APBA1: variants seen among roughly 807,000 people sequenced by gnomAD.
The protein encoded by APBA1 is amyloid-beta A4 precursor protein-binding family A member 1.
APBA1 carries 55 observed loss-of-function variants against 86.6 expected under a neutral mutation model. The ratio of observed to expected loss-of-function variants is 0.64; its 90% confidence interval spans 0.51 to 0.80. The LOEUF is 0.80. Ranked by LOEUF, APBA1 falls within the 30% of genes least tolerant of loss-of-function variation. The probability of loss-of-function intolerance (pLI) is 0.00; values close to 1 mark genes in which losing one functional copy is unlikely to be tolerated. For missense variants in APBA1, 1,090 were observed against 1,183.0 expected, an observed-to-expected ratio of 0.92 and a Z score of 1.15; for synonymous variants, 511 against 493.9, an observed-to-expected ratio of 1.03 and a Z score of -0.46.
chr9:69,476,676 A>AC (rs1178950106), intron 2 of APBA1, among the ~76,000 whole-genome samples: 1 of 152,230 alleles, frequency 6.6e-6, no homozygotes, highest in Non-Finnish European at 1.5e-5. Context: ...GATTTAGTCT[A>AC]CAGGCTATTG....
chr9:69,515,202 T>C (rs1378332878), intron 2 of APBA1, among the ~76,000 whole-genome samples: 1 of 152,172 alleles, frequency 6.6e-6, no homozygotes. Flanking sequence ...TCCTCTTGTT[T>C]TCCTATGACA....
chr9:69,487,695 G>T (rs560233582), intron 2 of APBA1, among the ~76,000 whole-genome samples: 6 of 151,986 alleles, frequency 3.9e-5, no homozygotes, highest in Non-Finnish European at 5.9e-5. Flanking sequence ...GCTGTCCCTC[G>T]TGAACCCCCT....
chr9:69,646,136 C>T (rs1823385995), intron 1 of APBA1, among the ~76,000 whole-genome samples: 1 of 152,204 alleles, frequency 6.6e-6, no homozygotes, highest in South Asian at 2.1e-4. Flanking sequence ...TATTAAAACT[C>T]ATTTATAATA....
chr9:69,468,149 C>A (rs1177327528), intron 4 of APBA1, among the ~76,000 whole-genome samples, 181 bp from the exon 5 acceptor site: 1 of 152,182 alleles, frequency 6.6e-6, no homozygotes, highest in Non-Finnish European at 1.5e-5. Flanking sequence ...AAATAGAAGG[C>A]ACAGTTTCTA....
At chr9:69,645,747 G>T (rs983119064) in intron 1 of APBA1, among the ~76,000 whole-genome samples, 2 of 152,230 alleles carry the variant, frequency 1.3e-5, no homozygotes, top group Non-Finnish European at 2.9e-5. Context: ...CAGCAGCTGC[G>T]ATTAAGGTCC....
chr9:69,532,568 A>G (rs1172913395), intron 1 of APBA1, among the ~76,000 whole-genome samples: 1 of 152,224 alleles, frequency 6.6e-6, no homozygotes, highest in Non-Finnish European at 1.5e-5. Context: ...GTGCCTGCTC[A>G]TGCATTGATA....
chr9:69,533,608 G>T (rs1836464570), intron 1 of APBA1, among the ~76,000 whole-genome samples: 1 of 152,156 alleles, frequency 6.6e-6, no homozygotes, highest in Admixed American at 6.5e-5. Context: ...TTTAAGCCTT[G>T]CTATTCAAGA....
intron 1 of APBA1, among the ~76,000 whole-genome samples, chr9:69,583,904 G>C (rs1303411037): frequency 6.6e-6 from 1 of 152,186 alleles, no homozygotes; most frequent in Non-Finnish European, 1.5e-5. Context: ...TAATGTGAAG[G>C]CATGAGATGA....
At chr9:69,526,354 A>C (rs1836341875) in intron 1 of APBA1, among the ~76,000 whole-genome samples, 1 of 152,180 alleles carries the variant, frequency 6.6e-6, no homozygotes, top group African/African-American at 2.4e-5. Flanking sequence ...AGAATCTATA[A>C]GGAAGTTAAA....
intron 1 of APBA1, among the ~76,000 whole-genome samples, chr9:69,544,335 T>C (rs1395603262): frequency 1.3e-5 from 2 of 152,218 alleles, no homozygotes; most frequent in African/African-American, 4.8e-5. Flanking sequence ...TGGCTGAGTT[T>C]CTGTTACTGA....
At chr9:69,552,284 C>T (rs1836796064) in intron 1 of APBA1, among the ~76,000 whole-genome samples, 2 of 152,214 alleles carry the variant, frequency 1.3e-5, no homozygotes, top group Admixed American at 6.5e-5. Context: ...ATATGTCCTC[C>T]ACCTTGCTTG....
chr9:69,569,853 T>C (rs899203530), intron 1 of APBA1, among the ~76,000 whole-genome samples: 1 of 152,230 alleles, frequency 6.6e-6, no homozygotes, highest in African/African-American at 2.4e-5. Context: ...CCTAGGCAGA[T>C]ATGAACAGCC....
intron 2 of APBA1, among the ~76,000 whole-genome samples, chr9:69,511,197 A>G (rs1486548582): frequency 2.6e-5 from 4 of 152,234 alleles, no homozygotes; most frequent in Admixed American, 6.5e-5. Flanking sequence ...AATATCCAGA[A>G]TCTACAATGA....
intron 1 of APBA1, among the ~76,000 whole-genome samples, chr9:69,631,821 C>T (rs574239030): frequency 1.3e-5 from 2 of 152,262 alleles, no homozygotes; most frequent in East Asian, 1.9e-4. Context: ...AAACCAAATG[C>T]CGCATGTTCT....
At chr9:69,537,067 A>G (rs1273003700) in intron 1 of APBA1, among the ~76,000 whole-genome samples, 1 of 150,628 alleles carries the variant, frequency 6.6e-6, no homozygotes, top group Non-Finnish European at 1.5e-5. Context: ...GTATATATAT[A>G]TACATATATA....
Position 69,458,293 on chromosome 9 carries a change from A to C in APBA1, c.1483-105T>G, listed in dbSNP as rs566852080. The C allele has an allele frequency of 6.0e-6, 6 of 1,006,014 alleles. No individual in the cohort carries two copies. The South Asian group carries it at 1.2e-4, about 20-fold the overall frequency. 62.3% of individuals were successfully genotyped at this position (1,006,014 alleles called of 1,614,324 possible). ...CAAACTAATACTGAATAGTGGCATA[A>C]AGCGTTTCTGTGGGAGGAGGACTGG... On this transcript the variant is annotated intron_variant, in intron 5 of 12. Transcript: ENST00000265381.
intron 2 of APBA1, among the ~76,000 whole-genome samples, chr9:69,490,492 A>AAG (rs1235541728): frequency 5.9e-5 from 9 of 151,944 alleles, no homozygotes; most frequent in Non-Finnish European, 1.3e-4. Flanking sequence ...AAATTTTTAA[A>AAG]AAAAAGCCCT....
chr9:69,536,846 C>T (rs1836519817), intron 1 of APBA1, among the ~76,000 whole-genome samples: 1 of 151,032 alleles, frequency 6.6e-6, no homozygotes, highest in Non-Finnish European at 1.5e-5. Flanking sequence ...TGCCACTGCA[C>T]TCCAGTCTGG....
intron 4 of APBA1, among the ~76,000 whole-genome samples, chr9:69,468,930 T>A (rs1035032736): frequency 4.2e-4 from 64 of 151,156 alleles, no homozygotes; most frequent in African/African-American, 1.5e-3. Flanking sequence ...AGTGGTGTGA[T>A]CTCGGCTCAC....
Sources: gnomAD v4.1 joint callset for allele counts (sites outside exome capture counted in the v4.1 genomes callset) on GRCh38, gnomAD v4.1.1 for gene constraint, MANE v1.5 for transcripts, NCBI Gene and HGNC (gene_info 2026-07-23, HGNC 2026-07-21) for gene names.